DOCK10: variants seen among roughly 807,000 people sequenced by gnomAD.
DOCK10 encodes the protein dedicator of cytokinesis 10.
A neutral mutation model predicts 280.1 loss-of-function variants in DOCK10; 145 were observed. That is an observed-to-expected ratio of 0.52 (90% CI 0.45 to 0.59). DOCK10 has a LOEUF of 0.59. DOCK10 is among the 20% of genes least tolerant of loss of function. The probability of loss-of-function intolerance (pLI) is 0.00; values close to 1 mark genes in which losing one functional copy is unlikely to be tolerated. For missense variants in DOCK10, 2,368 were observed against 2,651.7 expected, an observed-to-expected ratio of 0.89 and a Z score of 2.35; for synonymous variants, 915 against 942.2, an observed-to-expected ratio of 0.97 and a Z score of 0.53.
In DOCK10 at chr2:225,042,209, G is replaced by A. The variant is rs912665123; in HGVS notation, c.123+43C>T. On this transcript the variant is annotated intron_variant, in intron 1 of 55. Transcript: ENST00000258390. The surrounding 1 kb of genome is among the most constrained non-coding windows in gnomAD (Gnocchi z 5.1). ...AAGCTGGGCTCCGTTCCCCCCGGGC[G>A]CCTGGGGCGCGCGGGAAGGCGCGGA... The A allele has an allele frequency of 6.5e-6, 8 of 1,233,862 alleles. No homozygotes were observed. The highest frequency in any genetic ancestry group is 1.6e-5 in the African/African-American group (1 of 63,784). The allele number at this position is 1,233,862 out of a possible 1,614,324, so 76.4% of individuals were successfully genotyped here.
rs1373247344 is a variant in DOCK10, at chr2:224,886,057, C to T, written c.612+6G>A. The T allele has an allele frequency of 2.5e-6, 4 of 1,613,752 alleles. No homozygotes were observed. Among genetic ancestry groups the T allele is most frequent in the Non-Finnish European group, 1.7e-6 (2 of 1,179,822 alleles). ...GAGATAAAGATGAGTCTTGATATCT[C>T]CTTACCCGAACAGTAACGGTGTTGT... On this transcript the variant is annotated splice_donor_region_variant and intron_variant, in intron 6 of 55. Coordinates refer to ENST00000258390, the MANE Select transcript of DOCK10 (RefSeq NM_014689.3).
At position 224,786,590 on chromosome 2, in the gene DOCK10, G is replaced by C. The variant is rs1194972698; in HGVS notation, c.5655+432C>G. Reference sequence around the variant, plus strand: ...TCGAAAATAGGAGAAAAGAAATTGTGTGATAGTAAAATCAAAGGTTTGATA... The same window carrying C: ...TCGAAAATAGGAGAAAAGAAATTGTCTGATAGTAAAATCAAAGGTTTGATA... On this transcript the variant is annotated intron_variant, in intron 50 of 55. Transcript: ENST00000258390. This position sits in a 1 kb window ranked among gnomAD's most constrained non-coding sequence, Gnocchi z 4.7. Among the ~76,000 whole-genome samples the C allele has an allele frequency of 6.6e-6, 1 of 152,194 alleles. No individual in the cohort carries two copies. The highest frequency in any genetic ancestry group is 2.4e-5 in the African/African-American group (1 of 41,444).
At chr2:224,863,816 A>C (rs1697691578) in intron 13 of DOCK10, among the ~76,000 whole-genome samples, 1 of 152,364 alleles carries the variant, frequency 6.6e-6, no homozygotes, top group African/African-American at 2.4e-5. Flanking sequence ...GAAAAGAAGA[A>C]AGTAGAAACA....
intron 1 of DOCK10, among the ~76,000 whole-genome samples, chr2:225,012,197 TC>T (rs761192191): frequency 4.8e-4 from 73 of 152,292 alleles, no homozygotes; most frequent in Admixed American, 1.0e-3. Flanking sequence ...TGCCATCAGT[TC>T]CACTGAGTTG....
chr2:224,826,806 T>A (rs1467316081), intron 27 of DOCK10, among the ~76,000 whole-genome samples: 1 of 151,868 alleles, frequency 6.6e-6, no homozygotes, highest in African/African-American at 2.4e-5. Context: ...ATCAATCATC[T>A]ATATGAAATT....
intron 3 of DOCK10, among the ~76,000 whole-genome samples, chr2:224,902,021 T>C (rs944943661): frequency 2.0e-5 from 3 of 152,264 alleles, no homozygotes; most frequent in African/African-American, 7.2e-5. Context: ...CAACAAATGA[T>C]ACTTTGAAAG....
intron 1 of DOCK10, among the ~76,000 whole-genome samples, chr2:224,973,745 G>C (rs773631635): frequency 6.6e-6 from 1 of 152,158 alleles, no homozygotes; most frequent in African/African-American, 2.4e-5. Flanking sequence ...GCACCCTCAC[G>C]ACTCTCATTT....
chr2:225,004,599 C>A (rs1400470768), intron 1 of DOCK10, among the ~76,000 whole-genome samples: 1 of 152,222 alleles, frequency 6.6e-6, no homozygotes, highest in African/African-American at 2.4e-5. Flanking sequence ...AGCCACAGAG[C>A]TAGCCTTAAG....
intron 19 of DOCK10, among the ~76,000 whole-genome samples, chr2:224,847,453 C>T (rs975776950): frequency 1.3e-5 from 2 of 152,162 alleles, no homozygotes; most frequent in African/African-American, 2.4e-5. Flanking sequence ...CTGAGTAGTT[C>T]CCAGAACTGT....
In DOCK10 at chr2:224,844,830, T is replaced by C. The variant is rs761308086; in HGVS notation, c.2491A>G (p.Ser831Gly). ...CCACCATCAACCCATTTAATGTCAC[T>C]CCCACCATGCTGCAAAATAAAGTTT... ...QDSASGKHGG[S>G]DIKWVDGGKP... Residue 831 changes from serine (S) to glycine (G), a missense_variant, in exon 22 of 56, where the codon AGT becomes GGT. Physicochemically the swap from Ser to Gly is moderately conservative, Grantham distance 56. Coordinates refer to ENST00000258390, the MANE Select transcript of DOCK10 (RefSeq NM_014689.3). The C allele has an allele frequency of 1.2e-6, 2 of 1,606,302 alleles. No individual in the cohort carries two copies. The highest frequency in any genetic ancestry group is 1.1e-5 in the South Asian group (1 of 89,396).
chr2:224,819,686 C>T (rs1694378300), intron 28 of DOCK10, among the ~76,000 whole-genome samples, 157 bp from the exon 29 acceptor site: 1 of 152,056 alleles, frequency 6.6e-6, no homozygotes, highest in African/African-American at 2.4e-5. Flanking sequence ...TTTAAGCAGT[C>T]ATCCACATAT....
At chr2:225,034,120 G>C (rs1241932083) in intron 1 of DOCK10, among the ~76,000 whole-genome samples, 1 of 152,168 alleles carries the variant, frequency 6.6e-6, no homozygotes, top group Non-Finnish European at 1.5e-5. Context: ...CCTATAACTA[G>C]TACTCTGAGG....
chr2:224,851,621 G>C (rs1287516705), intron 18 of DOCK10, among the ~76,000 whole-genome samples: 1 of 151,888 alleles, frequency 6.6e-6, no homozygotes, highest in African/African-American at 2.4e-5. Context: ...GAATGGTGGG[G>C]GTTAGTTAGA....
chr2:224,805,641 T>G lies in DOCK10; in HGVS notation c.3815-112A>C. Reference sequence around the variant, plus strand: ...GTTGATACTGAGGTAGCAGCAGTGTTGTCAAAGACCAACATAACAGCGTCT... The same window carrying G: ...GTTGATACTGAGGTAGCAGCAGTGTGGTCAAAGACCAACATAACAGCGTCT... On this transcript the variant is annotated intron_variant, in intron 34 of 55. Transcript: ENST00000258390. This position sits in a 1 kb window ranked among gnomAD's most constrained non-coding sequence, Gnocchi z 4.3. 7.2e-7 allele frequency: 1 copy of G among 1,392,322 alleles called. No individual in the cohort carries two copies. Among genetic ancestry groups the G allele is most frequent in the Non-Finnish European group, 9.8e-7 (1 of 1,015,472 alleles). 86.2% of individuals were successfully genotyped at this position (1,392,322 alleles called of 1,614,324 possible). A position where few individuals can be genotyped will look rare whatever the true frequency, so the allele number is the denominator to read the frequency against.
At chr2:224,843,335 G>A (rs1368580447) in intron 22 of DOCK10, among the ~76,000 whole-genome samples, 1 of 152,204 alleles carries the variant, frequency 6.6e-6, no homozygotes, top group East Asian at 1.9e-4. Context: ...AGGGTGTGTT[G>A]TGGTGAGTCA....
At chr2:225,018,551 T>A (rs1239796810) in intron 1 of DOCK10, among the ~76,000 whole-genome samples, 1 of 9,526 alleles carries the variant, frequency 1.0e-4, no homozygotes, top group African/African-American at 2.0e-4. Flanking sequence ...TATATATATA[T>A]AATATATATG....
chr2:224,982,426 G>C, intron 1 of DOCK10: 1 of 1,230,762 alleles, frequency 8.1e-7, no homozygotes, highest in Non-Finnish European at 1.0e-6. Flanking sequence ...TTGCAAAACA[G>C]TGGCTCCTTG....
At chr2:224,893,852 T>C (rs1463913424) in intron 4 of DOCK10, among the ~76,000 whole-genome samples, 1 of 152,160 alleles carries the variant, frequency 6.6e-6, no homozygotes, top group African/African-American at 2.4e-5. Flanking sequence ...ATGAAAATGA[T>C]TTACTTCTAT....
chr2:224,977,207 T>C (rs1431862044), intron 1 of DOCK10, among the ~76,000 whole-genome samples: 1 of 152,216 alleles, frequency 6.6e-6, no homozygotes, highest in Non-Finnish European at 1.5e-5. Context: ...TAAATTTAAA[T>C]GTTATGGTTT....
Sources: gnomAD v4.1 joint callset for allele counts (sites outside exome capture counted in the v4.1 genomes callset) on GRCh38, gnomAD v4.1.1 for gene constraint, Gnocchi (gnomAD v3.1) non-coding constraint, MANE v1.5 for transcripts, NCBI Gene and HGNC (gene_info 2026-07-23, HGNC 2026-07-21) for gene names.